ACER3: variants seen among roughly 807,000 people sequenced by gnomAD.
ACER3 encodes alkCDase 3.
In ACER3, 16 loss-of-function variants were observed where a neutral mutation model predicts 48.9. That is an observed-to-expected ratio of 0.33 (90% CI 0.22 to 0.50). ACER3 has a LOEUF of 0.50. Ranked by LOEUF, ACER3 falls within the 20% of genes least tolerant of loss-of-function variation. The pLI is 0.98. For missense variants in ACER3, 227 were observed against 326.0 expected (o/e 0.70, Z 2.34); for synonymous variants, 109 against 107.8 (o/e 1.01, Z -0.07).
At chr11:77,016,179 C>G (rs1374064067) in intron 8 of ACER3, among the ~76,000 whole-genome samples, 1 of 151,536 alleles carries the variant, frequency 6.6e-6, no homozygotes, top group Non-Finnish European at 1.5e-5. Flanking sequence ...GATTAAGAGC[C>G]TTAGATATAT....
Position 76,926,620 on chromosome 11 carries a change from G to A in ACER3, c.167G>A (p.Arg56Lys). ...PPMFGAVQSV[R>K]DGLEKRYIAS... Reference sequence around the variant, plus strand: ...ATGTTCGGTGCAGTTCAGAGTGTTAGAGACGGTCTGGAAAAGCGGTACATT... The same window carrying A: ...ATGTTCGGTGCAGTTCAGAGTGTTAAAGACGGTCTGGAAAAGCGGTACATT... Residue 56 changes from arginine (R) to lysine (K), a missense_variant, in exon 2 of 11, where the codon AGA (arginine) becomes AAA (lysine). Around this residue, in one of 3 missense-constraint regions of ACER3, gnomAD observed 195 missense variants for 290.8 expected, o/e 0.67. Transcript: ENST00000532485. The A allele has an allele frequency of 1.2e-6, 2 of 1,608,442 alleles. No homozygotes were observed. Among genetic ancestry groups the A allele is most frequent in the Non-Finnish European group, 1.7e-6 (2 of 1,174,952 alleles).
chr11:76,919,688 A>C (rs1208505808), intron 1 of ACER3, among the ~76,000 whole-genome samples: 1 of 152,186 alleles, frequency 6.6e-6, no homozygotes, highest in Non-Finnish European at 1.5e-5. Context: ...CCTCAAATCC[A>C]ATTAAACTCT....
intron 1 of ACER3, among the ~76,000 whole-genome samples, chr11:76,898,882 C>A (rs1433585794): frequency 2.8e-5 from 3 of 106,290 alleles, no homozygotes; most frequent in South Asian, 3.3e-4. Context: ...CCAGCCTGGG[C>A]GACAGAGCGA....
At chr11:76,884,551 T>C (rs995981860) in intron 1 of ACER3, among the ~76,000 whole-genome samples, 1 of 152,258 alleles carries the variant, frequency 6.6e-6, no homozygotes. Flanking sequence ...ACTCTGCTGA[T>C]TTGTACAGGG....
chr11:76,996,996 G>C (rs1162565696), intron 6 of ACER3, among the ~76,000 whole-genome samples: 1 of 152,170 alleles, frequency 6.6e-6, no homozygotes, highest in Non-Finnish European at 1.5e-5. Context: ...AAAGTGCTGG[G>C]ATTACAGGCG....
At chr11:76,901,703 G>T (rs560966340) in intron 1 of ACER3, among the ~76,000 whole-genome samples, 4 of 152,144 alleles carry the variant, frequency 2.6e-5, no homozygotes, top group South Asian at 2.1e-4. Flanking sequence ...GAGCAAGCAG[G>T]GGGTACGTGA....
At chr11:76,928,396 T>C (rs1271259982) in intron 2 of ACER3, among the ~76,000 whole-genome samples, 2 of 152,216 alleles carry the variant, frequency 1.3e-5, no homozygotes, top group Non-Finnish European at 2.9e-5. Context: ...AAAAATTTTC[T>C]CCCATTCTGT....
At chr11:76,865,826 T>C (rs1342842426) in intron 1 of ACER3, among the ~76,000 whole-genome samples, 2 of 149,268 alleles carry the variant, frequency 1.3e-5, no homozygotes, top group Non-Finnish European at 3.0e-5. Context: ...TTTTTTTTTT[T>C]TCTTTTTTGA....
chr11:76,886,829 C>T (rs945642865), intron 1 of ACER3, among the ~76,000 whole-genome samples: 16 of 152,024 alleles, frequency 1.1e-4, no homozygotes, highest in African/African-American at 3.1e-4. Flanking sequence ...TACAAGTGTG[C>T]GCTACACCTG....
chr11:77,007,035 C>T (rs1949165516), intron 7 of ACER3, among the ~76,000 whole-genome samples: 2 of 150,432 alleles, frequency 1.3e-5, no homozygotes, highest in Admixed American at 1.3e-4. Flanking sequence ...TTGTTTGAAC[C>T]CAGGAGTTCG....
intron 3 of ACER3, among the ~76,000 whole-genome samples, chr11:76,964,308 C>T (rs1948078793): frequency 2.0e-5 from 3 of 151,384 alleles, no homozygotes; most frequent in East Asian, 1.9e-4. Context: ...GTAAACAAAG[C>T]GGCCGGGAAG....
At chr11:76,911,590 A>G (rs1043837258) in intron 1 of ACER3, among the ~76,000 whole-genome samples, 36 of 152,162 alleles carry the variant, frequency 2.4e-4, no homozygotes, top group African/African-American at 8.7e-4. Context: ...TCCAGCCAGT[A>G]TTCAAGATGG....
At chr11:76,890,307 C>G (rs1005474998) in intron 1 of ACER3, among the ~76,000 whole-genome samples, 6 of 151,984 alleles carry the variant, frequency 3.9e-5, no homozygotes, top group Non-Finnish European at 7.4e-5. Context: ...TTGATAATAC[C>G]TCAAGTTAGA....
rs1300558494 is a variant in ACER3, at chr11:77,023,363, T to C, written c.*3036T>C. 2.6e-6 allele frequency: 1 copy of C among 387,496 alleles called. No individual in the cohort carries two copies. Among genetic ancestry groups the C allele is most frequent in the African/African-American group, 2.1e-5 (1 of 48,570 alleles). The allele number at this position is 387,496 out of a possible 1,614,324, so 24.0% of individuals were successfully genotyped here. Reference sequence around the variant, plus strand: ...CAAAGAAAATTAAGAGACAAAACCTTCAGGTACATAATGCATGAAAATCTT... The same window carrying C: ...CAAAGAAAATTAAGAGACAAAACCTCCAGGTACATAATGCATGAAAATCTT... On this transcript the variant is annotated 3_prime_UTR_variant, in exon 11 of 11. Coordinates refer to ENST00000532485, the MANE Select transcript of ACER3 (RefSeq NM_018367.7).
intron 4 of ACER3, among the ~76,000 whole-genome samples, chr11:76,979,822 G>A (rs1264799009): frequency 7.1e-6 from 1 of 140,636 alleles, no homozygotes; most frequent in Non-Finnish European, 1.5e-5. Context: ...GTGTGACTAT[G>A]TTCCAGTAAC....
chr11:76,911,902 A>T (rs763990026), intron 1 of ACER3, among the ~76,000 whole-genome samples: 1 of 152,200 alleles, frequency 6.6e-6, no homozygotes, highest in Non-Finnish European at 1.5e-5. Context: ...GCCTACCCCA[A>T]TAGAGGCTAA....
chr11:76,983,330 CTTT>C (rs1359205677), intron 4 of ACER3, among the ~76,000 whole-genome samples: 1 of 151,054 alleles, frequency 6.6e-6, no homozygotes, highest in Non-Finnish European at 1.5e-5. Context: ...GCTTTTTTTT[CTTT>C]TTTGACATGG....
chr11:76,985,456 C>G (rs1164806428), intron 4 of ACER3, among the ~76,000 whole-genome samples, 187 bp from the exon 5 acceptor site: 1 of 152,164 alleles, frequency 6.6e-6, no homozygotes, highest in Non-Finnish European at 1.5e-5. Flanking sequence ...CAGTTTAAGT[C>G]ACGTGTCTAC....
chr11:76,916,595 T>A (rs1245369244), intron 1 of ACER3, among the ~76,000 whole-genome samples: 2 of 152,116 alleles, frequency 1.3e-5, no homozygotes, highest in African/African-American at 4.8e-5. Flanking sequence ...TCACCAAATG[T>A]AGGTAGGATT....
Sources: allele counts gnomAD v4.1 joint callset (sites outside exome capture counted in the v4.1 genomes callset), GRCh38; gene constraint gnomAD v4.1.1; regional missense constraint gnomAD v4.1.1; transcripts MANE v1.5; gene names NCBI Gene and HGNC (gene_info 2026-07-23, HGNC 2026-07-21).